Variants in TEX10 observed in about 807,000 individuals in gnomAD.
TEX10 encodes the protein testis expressed 10.
In TEX10, 24 loss-of-function variants were observed where a neutral mutation model predicts 104.4. The observed-to-expected ratio is 0.23, with a 90% CI of 0.17 to 0.32. TEX10 has a LOEUF of 0.32. Among genes scored for constraint, TEX10 ranks in the 10% least tolerant of loss-of-function variants. TEX10 has a pLI of 1.00. For missense variants in TEX10, 921 were observed against 1,083.9 expected (o/e 0.85, Z 2.11); for synonymous variants, 396 against 393.4 (o/e 1.01, Z -0.08).
intron 4 of TEX10, among the ~76,000 whole-genome samples, chr9:100,340,749 A>T (rs892397094): frequency 5.3e-5 from 8 of 152,248 alleles, no homozygotes; most frequent in African/African-American, 1.9e-4. Flanking sequence ...TCCATTATTT[A>T]ACAATTTCAC....
At chr9:100,328,698 T>C (rs1000303473) in intron 7 of TEX10, among the ~76,000 whole-genome samples, 6 of 152,208 alleles carry the variant, frequency 3.9e-5, no homozygotes, top group East Asian at 1.9e-4. Flanking sequence ...ACTCACCTTA[T>C]TGAAAAATTC....
chr9:100,311,981 G>T (rs7048601), intron 11 of TEX10, among the ~76,000 whole-genome samples: 95,545 of 151,514 alleles, frequency 0.63, 31,977 homozygotes, highest in East Asian at 0.89. Flanking sequence ...AGAGTGTGTG[G>T]GGGGGGGAAT....
chr9:100,330,141 T>C lies in TEX10; in HGVS notation c.1279A>G (p.Asn427Asp), dbSNP rs142163260. Reference sequence around the variant, plus strand: ...AAATTCAGTAAGAGATGATCTATGTTATTGGAGAGAACTGTGCAATGCTTG... The same window carrying C: ...AAATTCAGTAAGAGATGATCTATGTCATTGGAGAGAACTGTGCAATGCTTG... ...SIKHCTVLSN[N>D]IDHLLLNLTL... The change falls in exon 6 of 15, where the codon AAC becomes GAC. Residue 427 changes from asparagine (N) to aspartate (D), a missense_variant. Physicochemically the swap from Asn to Asp is conservative, Grantham distance 23. Around this residue, in one of 3 missense-constraint regions of TEX10, gnomAD observed 753 missense variants for 868.4 expected, o/e 0.87. Transcript: ENST00000374902. 7 of 1,613,266 alleles carry C rather than the reference T, an allele frequency of 4.3e-6. No homozygotes were observed. The African/African-American group carries it at 9.3e-5, about 22-fold the overall frequency.
At chr9:100,334,653 G>T (rs1834961420) in intron 5 of TEX10, among the ~76,000 whole-genome samples, 1 of 145,028 alleles carries the variant, frequency 6.9e-6, no homozygotes, top group Non-Finnish European at 1.5e-5. Flanking sequence ...GAACTGATAG[G>T]CTCATTTTGT....
At chr9:100,315,438 G>T (rs927253831) in intron 11 of TEX10, among the ~76,000 whole-genome samples, 4 of 152,028 alleles carry the variant, frequency 2.6e-5, no homozygotes, top group African/African-American at 9.7e-5. Flanking sequence ...CTGGTGTTGG[G>T]TGCATATATA....
intron 14 of TEX10, 104 bp downstream of exon 14, chr9:100,303,528 G>A: frequency 8.0e-7 from 1 of 1,254,992 alleles, no homozygotes; most frequent in South Asian, 1.3e-5. Context: ...TGGACTCAAT[G>A]TATGGGATCC....
Position 100,347,356 on chromosome 9 carries a change from A to G in TEX10, c.231T>C (p.Ala77=), listed in dbSNP as rs756618617. The G allele has an allele frequency of 5.0e-6, 8 of 1,612,054 alleles. No individual in the cohort carries two copies. The highest frequency in any genetic ancestry group is 1.1e-5 in the South Asian group (1 of 90,700). ...ACAAAAGGTCTTTAAGTCCAAGAAGAGCACTTTGTTTAACCCCAGCATTGT... is the reference window on the plus strand; with the variant it reads ...ACAAAAGGTCTTTAAGTCCAAGAAGGGCACTTTGTTTAACCCCAGCATTGT... ...HHYNAGVKQS[A]LLGLKDLLSQ... is the part of the protein sequence containing the mutation. Residue 77 remains alanine (A), a synonymous_variant, in exon 3 of 15, where the codon GCT becomes GCC. Transcript: ENST00000374902.
At chr9:100,326,002 A>G (rs772132814) in intron 9 of TEX10, among the ~76,000 whole-genome samples, 2 of 152,208 alleles carry the variant, frequency 1.3e-5, no homozygotes, top group African/African-American at 2.4e-5. Context: ...CTGCAATTCC[A>G]TAACAACAAA....
In TEX10 at chr9:100,344,718, C is replaced by A. The variant is rs1335946755; in HGVS notation, c.1137+1354G>T. ...AAAATTAGCCACGCATGGTGGCGGGCACCTGTAAGCCTAGCTACTCAAGAG... is the reference window on the plus strand; with the variant it reads ...AAAATTAGCCACGCATGGTGGCGGGAACCTGTAAGCCTAGCTACTCAAGAG... On this transcript the variant is annotated intron_variant, in intron 4 of 14. Coordinates refer to ENST00000374902, the MANE Select transcript of TEX10 (RefSeq NM_017746.4). 5.9e-5 allele frequency among the ~76,000 whole-genome samples: 9 copies of A among 152,274 alleles called. No individual in the cohort carries two copies. In the East Asian group the frequency reaches 1.2e-3, roughly 20 times the overall value.
chr9:100,325,577 T>A (rs6479011), intron 9 of TEX10, among the ~76,000 whole-genome samples: 1 of 152,068 alleles, frequency 6.6e-6, no homozygotes, highest in East Asian at 1.9e-4. Flanking sequence ...GTCGCCCAGA[T>A]TGGAGTGCAG....
Position 100,326,475 on chromosome 9 carries a change from T to C in TEX10, c.1806A>G (p.Pro602=), listed in dbSNP as rs771254288. The change falls in exon 9 of 15, where the codon CCA becomes CCG. Residue 602 remains proline, a synonymous_variant. Transcript: ENST00000374902. ...GGAGAACCACCACAGCACCTTCTTG[T>C]GGATCTAGTGAGGTGGATAGACATA... ...LQATALRIYD[P]QEGAVVVLPA... The C allele has an allele frequency of 1.9e-6, 3 of 1,612,968 alleles. No homozygotes were observed. The highest frequency in any genetic ancestry group is 2.2e-5 in the South Asian group (2 of 90,954).
intron 5 of TEX10, among the ~76,000 whole-genome samples, chr9:100,334,117 A>C (rs570492494): frequency 6.6e-6 from 1 of 152,308 alleles, no homozygotes; most frequent in South Asian, 2.1e-4. Context: ...GTTTTTCAGA[A>C]GCGATGAAAA....
chr9:100,342,929 C>T (rs147731984), intron 4 of TEX10, among the ~76,000 whole-genome samples: 166 of 151,990 alleles, frequency 1.1e-3, no homozygotes, highest in African/African-American at 3.9e-3. Flanking sequence ...AGGTAGATCA[C>T]GAGGTCAGGA....
chr9:100,310,492 G>A, intron 11 of TEX10, 113 bp from the exon 12 acceptor site: 3 of 932,876 alleles, frequency 3.2e-6, no homozygotes, highest in Non-Finnish European at 3.2e-6. Context: ...AGGCTGGAGT[G>A]CAGTGATGCA....
Position 100,308,600 on chromosome 9 carries a change from C to A in TEX10, c.2365G>T (p.Val789Phe). The A allele has an allele frequency of 6.2e-7, 1 of 1,613,376 alleles. No homozygotes were observed. Among genetic ancestry groups the A allele is most frequent in the Non-Finnish European group, 8.5e-7 (1 of 1,179,572 alleles). ...AGAAATGGCAGTAGAGTCTCACTAA[C>A]TACACAAGTATGATCCAGGAGCTTA... ...ICKLLDHTCV[V>F]SETLLPFLAS... Residue 789 changes from valine (V) to phenylalanine (F), a missense_variant, in exon 13 of 15, where the codon GTT becomes TTT. By Grantham distance (50) the Val-to-Phe change is conservative (BLOSUM62 -1). Around this residue, in one of 3 missense-constraint regions of TEX10, gnomAD observed 753 missense variants for 868.4 expected, o/e 0.87. Coordinates refer to ENST00000374902, the MANE Select transcript of TEX10 (RefSeq NM_017746.4).
At chr9:100,321,116 C>G (rs997579048) in intron 10 of TEX10, among the ~76,000 whole-genome samples, 1 of 152,182 alleles carries the variant, frequency 6.6e-6, no homozygotes, top group Non-Finnish European at 1.5e-5. Context: ...TAAAAACTTT[C>G]TGACAACTAC....
At chr9:100,302,935 C>G (rs1019119633) in intron 14 of TEX10, among the ~76,000 whole-genome samples, 5 of 146,256 alleles carry the variant, frequency 3.4e-5, no homozygotes, top group Non-Finnish European at 6.1e-5. Context: ...ACCGCCCCCC[C>G]CCCAAACTAA....
chr9:100,314,811 C>T (rs1834374675), intron 11 of TEX10, among the ~76,000 whole-genome samples: 4 of 152,100 alleles, frequency 2.6e-5, no homozygotes, highest in Admixed American at 2.6e-4. Context: ...CGTTAGGTTG[C>T]TGATTAGTTA....
rs758466284 is a variant in TEX10 at position 100,302,318 on chromosome 9, CAA to C, written c.2677-16_2677-15del. 3.2e-4 allele frequency: 502 copies of C among 1,582,540 alleles called. 1 individual carries two copies. Among genetic ancestry groups the C allele is most frequent in the Non-Finnish European group, 4.1e-4 (471 of 1,154,148 alleles). ...ACTCTTCAATGTCTGGAGAGAAAAA[CAA>C]GAGTAATCTGAGAACTGCACCCAAA... On this transcript the variant is annotated splice_polypyrimidine_tract_variant and intron_variant, in intron 14 of 14. Transcript: ENST00000374902.
Sources: gnomAD v4.1 joint callset for allele counts (sites outside exome capture counted in the v4.1 genomes callset) on GRCh38, gnomAD v4.1.1 for gene constraint, gnomAD v4.1.1 regional missense constraint, MANE v1.5 for transcripts, NCBI Gene and HGNC (gene_info 2026-07-23, HGNC 2026-07-21) for gene names.